The following LENG9 variants were observed in gnomAD, a reference collection of about 807,000 sequenced individuals.
LENG9 encodes the protein leukocyte receptor cluster (LRC) member 9.
For synonymous variants in LENG9, 410 were observed against 303.9 expected, an observed-to-expected ratio of 1.35 and a Z score of -3.63; for missense variants, 872 against 652.7, an observed-to-expected ratio of 1.34 and a Z score of -3.66.
In LENG9 at chr19:54,461,763, T is replaced by C. The variant is rs372123870; in HGVS notation, c.*327A>G. 13 of 559,094 alleles carry C rather than the reference T, an allele frequency of 2.3e-5. No individual in the cohort carries two copies. The East Asian group carries it at 4.5e-4, about 19-fold the overall frequency. 34.6% of individuals were successfully genotyped at this position (559,094 alleles called of 1,614,324 possible). A position where few individuals can be genotyped will look rare whatever the true frequency, so the allele number is the denominator to read the frequency against. On this transcript the variant is annotated 3_prime_UTR_variant, in exon 1 of 1. Transcript: ENST00000611161. Reference sequence around the variant, plus strand: ...TCTCTTTTCTTTGTGTGTGTGTTTATTTAAGTTATTTTTCTTCCTCCTCTC... The same window carrying C: ...TCTCTTTTCTTTGTGTGTGTGTTTACTTAAGTTATTTTTCTTCCTCCTCTC...
chr19:54,462,774 C>G lies in LENG9; in HGVS notation c.753G>C (p.Leu251Phe). 1.2e-6 allele frequency: 2 copies of G among 1,610,814 alleles called. No homozygotes were observed. The highest frequency in any genetic ancestry group is 1.7e-6 in the Non-Finnish European group (2 of 1,179,780). ...GGGCCTGTGCTTCCTTGCCCCCCAG[C>G]AATGTGGTCCTGGTGGCTGCTGTTG... ...LKPTAATRTT[L>F]LGGKEAQALG... The change falls in exon 1 of 1, where the codon TTG (leucine) becomes TTC (phenylalanine). Residue 251 changes from leucine to phenylalanine, a missense_variant. By Grantham distance (22) the Leu-to-Phe change is conservative. Coordinates refer to ENST00000611161, the MANE Select transcript of LENG9 (RefSeq NM_001301782.2).
Position 54,463,324 on chromosome 19 carries a change from G to A in LENG9, c.203C>T (p.Ala68Val), listed in dbSNP as rs1377637306. The A allele has an allele frequency of 2.0e-6, 3 of 1,501,818 alleles. No individual in the cohort carries two copies. Among genetic ancestry groups the A allele is most frequent in the African/African-American group, 2.9e-5 (2 of 68,936 alleles). 93.0% of individuals were successfully genotyped at this position (1,501,818 alleles called of 1,614,324 possible). Residue 68 changes from alanine (A) to valine (V), a missense_variant, in exon 1 of 1, where the codon GCG (alanine) becomes GTG (valine). Ala to Val is a moderately conservative substitution (Grantham distance 64). Transcript: ENST00000611161. Reference sequence around the variant, plus strand: ...CCAGCGGATGCGCTGGATGACGTCCGCGGCTGTGCGCAGCGGCGGCTTCTT... The same window carrying A: ...CCAGCGGATGCGCTGGATGACGTCCACGGCTGTGCGCAGCGGCGGCTTCTT... ...GAKKPPLRTA[A>V]DVIQRIRWDP...
At position 54,462,395 on chromosome 19, in the gene LENG9, T is replaced by C; in HGVS notation, c.1132A>G (p.Arg378Gly). The C allele has an allele frequency of 6.2e-7, 1 of 1,612,988 alleles. No homozygotes were observed. The highest frequency in any genetic ancestry group is 1.7e-5 in the Admixed American group (1 of 59,964). The change falls in exon 1 of 1, where the codon AGA becomes GGA. Residue 378 changes from arginine (R) to glycine (G), a missense_variant. By Grantham distance (125) the Arg-to-Gly change is moderately radical (BLOSUM62 -2). Coordinates refer to ENST00000611161, the MANE Select transcript of LENG9 (RefSeq NM_001301782.2). ...TGCGGGCCCAGGAGGACCAGCTTTC[T>C]AAAGCTCAGCCGAGGGGGTGCATTT... ...GLNAPPRLSF[R>G]KLVLLGPHVL... is the part of the protein sequence containing the mutation.
In LENG9 at chr19:54,462,286, G is replaced by A. The variant is rs2084608378; in HGVS notation, c.1241C>T (p.Thr414Ile). The A allele has an allele frequency of 6.2e-7, 1 of 1,604,538 alleles. No homozygotes were observed. Among genetic ancestry groups the A allele is most frequent in the African/African-American group, 1.3e-5 (1 of 74,922 alleles). ...SQRLEAEGLS[T>I]LQSPGQLHPH... is the part of the protein sequence containing the mutation. Reference sequence around the variant, plus strand: ...GTGCAGCTGCCCTGGAGACTGTAGTGTACTCAGCCCCTCGGCTTCCAGCCT... The same window carrying A: ...GTGCAGCTGCCCTGGAGACTGTAGTATACTCAGCCCCTCGGCTTCCAGCCT... Residue 414 changes from threonine to isoleucine, a missense_variant, in exon 1 of 1, where the codon ACA (threonine) becomes ATA (isoleucine). By Grantham distance (89) the Thr-to-Ile change is moderately conservative. Transcript: ENST00000611161.
Position 54,462,915 on chromosome 19 carries a change from G to A in LENG9, c.612C>T (p.Gly204=), listed in dbSNP as rs778867996. Residue 204 remains glycine (G), a synonymous_variant, in exon 1 of 1, where the codon GGC becomes GGT. Transcript: ENST00000611161. ...CCTCCAGCTCTCCGGGTTCCTCCACGCCTGGTTCCTGGTGCCCTGTGCAGA... is the reference window on the plus strand; with the variant it reads ...CCTCCAGCTCTCCGGGTTCCTCCACACCTGGTTCCTGGTGCCCTGTGCAGA... ...RPLCTGHQEP[G]VEEPGELEAA... is the part of the protein sequence containing the mutation. 4.3e-6 allele frequency: 7 copies of A among 1,612,356 alleles called. No individual in the cohort carries two copies. The African/African-American group carries it at 6.7e-5, about 15-fold the overall frequency.
Position 54,462,586 on chromosome 19 carries a change from A to G in LENG9, c.941T>C (p.Val314Ala), listed in dbSNP as rs745418925. ...GACCAGGTATTCCTGGGCCTTGGTC[A>G]CTTCTGCTTGTAGCCCAGGCTCGGT... ...MVTEPGLQAE[V>A]TKAQEYLVHV... The change falls in exon 1 of 1, where the codon GTG (valine) becomes GCG (alanine). Residue 314 changes from valine (V) to alanine (A), a missense_variant. Val to Ala is a moderately conservative substitution (Grantham distance 64). Coordinates refer to ENST00000611161, the MANE Select transcript of LENG9 (RefSeq NM_001301782.2). 2.5e-6 allele frequency: 4 copies of G among 1,613,596 alleles called. No individual in the cohort carries two copies. In the African/African-American group the frequency reaches 5.3e-5, roughly 22 times the overall value.
In LENG9 at chr19:54,463,087, C is replaced by T; in HGVS notation, c.440G>A (p.Gly147Asp). Reference sequence around the variant, plus strand: ...CCCGCGTCCCGCCGCCGAGCCAGAGCCAAAGACGAGGTCGGTGCGCGAGGC... The same window carrying T: ...CCCGCGTCCCGCCGCCGAGCCAGAGTCAAAGACGAGGTCGGTGCGCGAGGC... ...DRASRTDLVF[G>D]SGSAAGRGPT... The change falls in exon 1 of 1, where the codon GGC becomes GAC. Residue 147 changes from glycine to aspartate, a missense_variant. Coordinates refer to ENST00000611161, the MANE Select transcript of LENG9 (RefSeq NM_001301782.2). 6.2e-7 allele frequency: 1 copy of T among 1,602,860 alleles called. No individual in the cohort carries two copies. Among genetic ancestry groups the T allele is most frequent in the Non-Finnish European group, 8.5e-7 (1 of 1,179,452 alleles).
chr19:54,462,121 A>G lies in LENG9; in HGVS notation c.1406T>C (p.Phe469Ser). 1 of 1,576,704 alleles carries G rather than the reference A, an allele frequency of 6.3e-7. No individual in the cohort carries two copies. The highest frequency in any genetic ancestry group is 8.6e-7 in the Non-Finnish European group (1 of 1,160,332). The part of the protein sequence containing the change: ...LCRIGRTGGP[F>S]QPLAEIPLE ...CAGGGGGATCTCAGCCAGGGGCTGGAAAGGCCCCCCTGTCCTCCCTATACG... is the reference window on the plus strand; with the variant it reads ...CAGGGGGATCTCAGCCAGGGGCTGGGAAGGCCCCCCTGTCCTCCCTATACG... Residue 469 changes from phenylalanine (F) to serine (S), a missense_variant, in exon 1 of 1, where the codon TTC becomes TCC. Phe to Ser is a radical substitution (Grantham distance 155). Transcript: ENST00000611161.
chr19:54,463,398 A>G lies in LENG9; in HGVS notation c.129T>C (p.Pro43=), dbSNP rs2084664969. Reference sequence around the variant, plus strand: ...CGCGGCCAGGCGGCGCCGGCGCCCCAGGGTGGGGCTGGCGGCAGCGGGCGC... The same window carrying G: ...CGCGGCCAGGCGGCGCCGGCGCCCCGGGGTGGGGCTGGCGGCAGCGGGCGC... The part of the protein sequence containing the change: ...RFGARCRQPH[P]GAPAPPGREA... The change falls in exon 1 of 1, where the codon CCT becomes CCC. Residue 43 remains proline, a synonymous_variant. Transcript: ENST00000611161. 3 of 1,251,926 alleles carry G rather than the reference A, an allele frequency of 2.4e-6. No homozygotes were observed. Among genetic ancestry groups the G allele is most frequent in the Non-Finnish European group, 3.0e-6 (3 of 1,000,546 alleles). The allele number at this position is 1,251,926 out of a possible 1,614,324, so 77.6% of individuals were successfully genotyped here.
chr19:54,461,890 G>C lies in LENG9; in HGVS notation c.*200C>G, dbSNP rs1431881775. 1.9e-5 allele frequency: 14 copies of C among 744,170 alleles called. No individual in the cohort carries two copies. The highest frequency in any genetic ancestry group is 3.2e-5 in the Non-Finnish European group (13 of 411,782). The allele number at this position is 744,170 out of a possible 1,614,324, so 46.1% of individuals were successfully genotyped here. A position where few individuals can be genotyped will look rare whatever the true frequency, so the allele number is the denominator to read the frequency against. On this transcript the variant is annotated 3_prime_UTR_variant, in exon 1 of 1. Coordinates refer to ENST00000611161, the MANE Select transcript of LENG9 (RefSeq NM_001301782.2). The stretch of plus-strand genomic sequence containing the variant: ...GGACTGTCAGGCTGCTTTTTTTCCA[G>C]ATGTTCCTCCTCTGCCTCCCCTTCC...
At position 54,463,445 on chromosome 19, in the gene LENG9, GGAA is replaced by G; in HGVS notation, c.79_81del (p.Phe27del). 1.6e-6 allele frequency: 2 copies of G among 1,267,162 alleles called. No homozygotes were observed. Among genetic ancestry groups the G allele is most frequent in the Non-Finnish European group, 2.0e-6 (2 of 1,006,630 alleles). 78.5% of individuals were successfully genotyped at this position (1,267,162 alleles called of 1,614,324 possible). On this transcript the variant is annotated inframe_deletion, in exon 1 of 1. Coordinates refer to ENST00000611161, the MANE Select transcript of LENG9 (RefSeq NM_001301782.2). ...GCGCCGAAGCGGCAGCGGCCTTCCA[GGAA>G]GAAGCGGCAGGCCGGCGGGGGCGCG...
Position 54,462,705 on chromosome 19 carries a change from C to T in LENG9, c.822G>A (p.Trp274Ter). The change falls in exon 1 of 1, where the codon TGG becomes TGA. Residue 274 changes from tryptophan (W) to a stop codon, truncating the protein, a stop_gained. Transcript: ENST00000611161. LOFTEE classifies it low-confidence loss of function (END_TRUNC). ...TGTCCTCGGGCCAGGCCGCAGGACC[C>T]CACTCGGCTTCTGTCGTCTCAGCGG... ...GGSAETTEAE[W>*]GPAAWPEDKR... 1 of 1,610,936 alleles carries T rather than the reference C, an allele frequency of 6.2e-7. No individual in the cohort carries two copies. The highest frequency in any genetic ancestry group is 8.5e-7 in the Non-Finnish European group (1 of 1,180,000).
rs907921384 is a variant in LENG9 at position 54,462,215 on chromosome 19, G to A, written c.1312C>T (p.Leu438Phe). The change falls in exon 1 of 1, where the codon CTC (leucine) becomes TTC (phenylalanine). Residue 438 changes from leucine (L) to phenylalanine (F), a missense_variant. Leu to Phe is a conservative substitution (Grantham distance 22). Coordinates refer to ENST00000611161, the MANE Select transcript of LENG9 (RefSeq NM_001301782.2). ...CTGAGGGTGAACTCCAGCTTGGGGA[G>A]GTGGACCTGGGAACCATGGGGCACC... ...AKVPHGSQVH[L>F]PKLEFTLSQE... 1 of 1,613,636 alleles carries A rather than the reference G, an allele frequency of 6.2e-7. No homozygotes were observed. Among genetic ancestry groups the A allele is most frequent in the South Asian group, 1.1e-5 (1 of 91,018 alleles).
chr19:54,461,825 C>G lies in LENG9; in HGVS notation c.*265G>C. ...TGGCCCTCCCTCCCTCCCTCTTCTG[C>G]CATGTAACTGGAGGATGTGCTATGA... On this transcript the variant is annotated 3_prime_UTR_variant, in exon 1 of 1. Coordinates refer to ENST00000611161, the MANE Select transcript of LENG9 (RefSeq NM_001301782.2). 1.7e-6 allele frequency: 1 copy of G among 601,862 alleles called. No individual in the cohort carries two copies. The highest frequency in any genetic ancestry group is 1.5e-5 in the South Asian group (1 of 65,814). 37.3% of individuals were successfully genotyped at this position (601,862 alleles called of 1,614,324 possible).
In LENG9 at chr19:54,462,670, C is replaced by CG; in HGVS notation, c.856dup (p.Arg286ProfsTer3). On this transcript the variant is annotated frameshift_variant, in exon 1 of 1. Transcript: ENST00000611161. LOFTEE classifies it low-confidence loss of function (END_TRUNC). ...TTGGCAAGGGGCTGCAACACTAAGG[C>CG]GGGCCCTTTTGTCCTCGGGCCAGGC... The CG allele has an allele frequency of 1.9e-6, 3 of 1,612,258 alleles. No individual in the cohort carries two copies. The highest frequency in any genetic ancestry group is 1.1e-5 in the South Asian group (1 of 91,090).
chr19:54,463,019 C>T lies in LENG9; in HGVS notation c.508G>A (p.Ala170Thr), dbSNP rs201030893. The T allele has an allele frequency of 9.9e-4, 1,590 of 1,604,380 alleles. 2 individuals are homozygous for T. The highest frequency in any genetic ancestry group is 1.7e-3 in the South Asian group (152 of 91,022). Residue 170 changes from alanine (A) to threonine (T), a missense_variant, in exon 1 of 1, where the codon GCA (alanine) becomes ACA (threonine). Ala to Thr is a moderately conservative substitution (Grantham distance 58, BLOSUM62 0). Coordinates refer to ENST00000611161, the MANE Select transcript of LENG9 (RefSeq NM_001301782.2). ...DAPNTEGAHG[A>T]EGAEWTLAGT... Reference sequence around the variant, plus strand: ...GCCAGTGTCCACTCGGCACCCTCTGCCCCGTGGGCGCCCTCGGTGTTCGGT... The same window carrying T: ...GCCAGTGTCCACTCGGCACCCTCTGTCCCGTGGGCGCCCTCGGTGTTCGGT...
At position 54,462,582 on chromosome 19, in the gene LENG9, G is replaced by A. The variant is rs924822639; in HGVS notation, c.945C>T (p.Thr315=). Residue 315 remains threonine, a synonymous_variant, in exon 1 of 1, where the codon ACC becomes ACT. Coordinates refer to ENST00000611161, the MANE Select transcript of LENG9 (RefSeq NM_001301782.2). The part of the protein sequence containing the change: ...VTEPGLQAEV[T]KAQEYLVHVA... Reference sequence around the variant, plus strand: ...CGTGGACCAGGTATTCCTGGGCCTTGGTCACTTCTGCTTGTAGCCCAGGCT... The same window carrying A: ...CGTGGACCAGGTATTCCTGGGCCTTAGTCACTTCTGCTTGTAGCCCAGGCT... 2 of 1,613,776 alleles carry A rather than the reference G, an allele frequency of 1.2e-6. No homozygotes were observed. Among genetic ancestry groups the A allele is most frequent in the Non-Finnish European group, 1.7e-6 (2 of 1,180,026 alleles).
chr19:54,462,959 G>T lies in LENG9; in HGVS notation c.568C>A (p.Arg190=), dbSNP rs761353307. Residue 190 remains arginine (R), a synonymous_variant, in exon 1 of 1, where the codon CGA becomes AGA. Coordinates refer to ENST00000611161, the MANE Select transcript of LENG9 (RefSeq NM_001301782.2). ...GTGCAGAGCGGCCTTGTGCTCCCTC[G>T]CTTGGGGGCAGCCTGGGCCTCCTGA... ...TGQEAQAAPK[R]GSTRPLCTGH... The T allele has an allele frequency of 3.1e-6, 5 of 1,609,760 alleles. No individual in the cohort carries two copies. In the African/African-American group the frequency reaches 5.3e-5, roughly 17 times the overall value.
chr19:54,462,296 C>G lies in LENG9; in HGVS notation c.1231G>C (p.Gly411Arg), dbSNP rs1286995044. 6.2e-7 allele frequency: 1 copy of G among 1,602,208 alleles called. No homozygotes were observed. Among genetic ancestry groups the G allele is most frequent in the Non-Finnish European group, 8.5e-7 (1 of 1,172,530 alleles). ...CCTGGAGACTGTAGTGTACTCAGCC[C>G]CTCGGCTTCCAGCCTCTGGCTCAGC... ...QVLSQRLEAE[G>R]LSTLQSPGQL... The change falls in exon 1 of 1, where the codon GGG becomes CGG. Residue 411 changes from glycine (G) to arginine (R), a missense_variant. Coordinates refer to ENST00000611161, the MANE Select transcript of LENG9 (RefSeq NM_001301782.2).
Sources: allele counts gnomAD v4.1 joint callset, GRCh38; gene constraint gnomAD v4.1.1; transcripts MANE v1.5; gene names NCBI Gene and HGNC (gene_info 2026-07-23, HGNC 2026-07-21).